The following SORCS2 variants were observed in gnomAD, a reference collection of about 807,000 sequenced individuals.
SORCS2 encodes VPS10 domain-containing receptor SorCS2.
A neutral mutation model predicts 141.6 loss-of-function variants in SORCS2; 100 were observed. The observed-to-expected ratio is 0.71, with a 90% CI of 0.60 to 0.83. The LOEUF is 0.83. Among genes scored for constraint, SORCS2 ranks in the 40% least tolerant of loss-of-function variants. The pLI is 0.00. For synonymous variants in SORCS2, 789 were observed against 676.9 expected (o/e 1.17, Z -2.57); for missense variants, 1,646 against 1,560.2 (o/e 1.05, Z -0.93).
chr4:7,696,246 G>A (rs1434917429), intron 11 of SORCS2, among the ~76,000 whole-genome samples: 1 of 152,198 alleles, frequency 6.6e-6, no homozygotes, highest in Non-Finnish European at 1.5e-5. Context: ...TGGGGCCCCA[G>A]AACAGCTTCA....
At chr4:7,562,372 A>T (rs756484986) in intron 3 of SORCS2, among the ~76,000 whole-genome samples, 1 of 152,040 alleles carries the variant, frequency 6.6e-6, no homozygotes, top group Admixed American at 6.5e-5. Context: ...GCATGGCAAG[A>T]GTGGTGGCTA....
intron 4 of SORCS2, among the ~76,000 whole-genome samples, chr4:7,650,497 C>T (rs1168735637): frequency 4.6e-5 from 7 of 152,316 alleles, no homozygotes; most frequent in East Asian, 3.9e-4. Context: ...TTGGAGCGCA[C>T]GCAAGGTCTC....
At chr4:7,695,918 G>T (rs367784894) in intron 11 of SORCS2, among the ~76,000 whole-genome samples, 13,890 of 108,200 alleles carry the variant, frequency 0.13, 927 homozygotes, top group East Asian at 0.28. Context: ...ATGGATGGAT[G>T]GATGGATTGG....
intron 25 of SORCS2, 66 bp from the exon 26 acceptor site, chr4:7,737,003 A>C (rs6840685): frequency 0.52 from 805,171 of 1,537,436 alleles, 214,557 homozygotes; most frequent in Admixed American, 0.59. Flanking sequence ...GGCCAGCGGA[A>C]GGCTCCAGGG....
chr4:7,376,422 C>G (rs376885767), intron 1 of SORCS2, among the ~76,000 whole-genome samples: 10 of 152,048 alleles, frequency 6.6e-5, no homozygotes, highest in African/African-American at 2.2e-4. Flanking sequence ...ACGAAAAATA[C>G]AAAAATTAGC....
intron 2 of SORCS2, among the ~76,000 whole-genome samples, chr4:7,530,855 G>A (rs947822535): frequency 5.4e-4 from 82 of 152,302 alleles, no homozygotes; most frequent in Admixed American, 1.0e-3. Flanking sequence ...AGGAGGTACC[G>A]AGTGGACAGC....
At position 7,725,363 on chromosome 4, in the gene SORCS2, C is replaced by A; in HGVS notation, c.2745+76C>A. The stretch of plus-strand genomic sequence containing the variant: ...AGCTGCACAGTGGGGCAGAGCATGG[C>A]CCCAGGTTTTCAGCAGAAGGAACCA... On this transcript the variant is annotated intron_variant, in intron 20 of 26. Coordinates refer to ENST00000507866, the MANE Select transcript of SORCS2 (RefSeq NM_020777.3). 2.0e-6 allele frequency: 3 copies of A among 1,520,862 alleles called. No individual in the cohort carries two copies. In the South Asian group the frequency reaches 3.7e-5, roughly 19 times the overall value. 94.2% of individuals were successfully genotyped at this position (1,520,862 alleles called of 1,614,324 possible). A position where few individuals can be genotyped will look rare whatever the true frequency, so the allele number is the denominator to read the frequency against.
At position 7,690,565 on chromosome 4, in the gene SORCS2, GGGT is replaced by G. The variant is rs368120130; in HGVS notation, c.1591+983_1591+985del. The stretch of plus-strand genomic sequence containing the variant: ...GCATGATGGATGGATGGCGGTGGAT[GGGT>G]GGTGGATAGGCAGATGGATAGGTGG... On this transcript the variant is annotated intron_variant, in intron 11 of 26. Coordinates refer to ENST00000507866, the MANE Select transcript of SORCS2 (RefSeq NM_020777.3). 6.8e-4 allele frequency among the ~76,000 whole-genome samples: 103 copies of G among 151,956 alleles called. No individual in the cohort carries two copies. In the Middle Eastern group the frequency reaches 0.01, roughly 15 times the overall value.
At chr4:7,501,105 G>C (rs1731949741) in intron 2 of SORCS2, among the ~76,000 whole-genome samples, 2 of 152,210 alleles carry the variant, frequency 1.3e-5, no homozygotes, top group Non-Finnish European at 1.5e-5. Context: ...GTGCTGACCT[G>C]TGAAGGCGCG....
chr4:7,448,334 G>A (rs372019681), intron 2 of SORCS2, among the ~76,000 whole-genome samples: 3 of 151,952 alleles, frequency 2.0e-5, no homozygotes, highest in African/African-American at 7.3e-5. Flanking sequence ...GGCACAGAGA[G>A]AGATGCTGGA....
At chr4:7,435,013 C>T in intron 2 of SORCS2, 1 of 1,143,650 alleles carries the variant, frequency 8.7e-7, no homozygotes, top group South Asian at 1.7e-5. Context: ...CTGACTCACA[C>T]CCTGTGCCCG....
intron 21 of SORCS2, among the ~76,000 whole-genome samples, chr4:7,727,791 T>C (rs1005696710): frequency 7.9e-5 from 12 of 152,168 alleles, no homozygotes; most frequent in Admixed American, 2.0e-4. Context: ...GAGGTTAAAG[T>C]TTATCTCTGG....
At chr4:7,526,884 A>G (rs1186806691) in intron 2 of SORCS2, among the ~76,000 whole-genome samples, 1 of 152,264 alleles carries the variant, frequency 6.6e-6, no homozygotes, top group African/African-American at 2.4e-5. Context: ...AATTAACTCA[A>G]TATATCCAAA....
At chr4:7,328,018 CTT>C (rs60976971) in intron 1 of SORCS2, among the ~76,000 whole-genome samples, 1,886 of 87,820 alleles carry the variant, frequency 0.021, 10 homozygotes, top group East Asian at 0.13. Flanking sequence ...TCGTGCTAGG[CTT>C]TTTTTTTTTT....
At chr4:7,653,536 C>T (rs1192646876) in intron 4 of SORCS2, among the ~76,000 whole-genome samples, 2 of 152,228 alleles carry the variant, frequency 1.3e-5, no homozygotes, top group African/African-American at 4.8e-5. Context: ...AGCCACCGCA[C>T]CTGGCCCTAA....
chr4:7,344,562 A>G (rs917111368), intron 1 of SORCS2, among the ~76,000 whole-genome samples: 5 of 152,204 alleles, frequency 3.3e-5, no homozygotes, highest in African/African-American at 1.2e-4. Context: ...GGAATTCCAG[A>G]AGGGGAGTAG....
chr4:7,396,231 CT>C, intron 1 of SORCS2, 56 bp from the exon 2 acceptor site: 1 of 1,562,344 alleles, frequency 6.4e-7, no homozygotes, highest in Non-Finnish European at 8.8e-7. Flanking sequence ...CTGTACCTCT[CT>C]TTGAGAACCT....
At chr4:7,621,499 ATG>A (rs1034322642) in intron 3 of SORCS2, among the ~76,000 whole-genome samples, 1 of 140,738 alleles carries the variant, frequency 7.1e-6, no homozygotes, top group Non-Finnish European at 1.5e-5. Flanking sequence ...ATGTGTGTCT[ATG>A]TGTGTCTGTA....
chr4:7,704,579 A>G (rs903319540), intron 14 of SORCS2, among the ~76,000 whole-genome samples: 3 of 152,190 alleles, frequency 2.0e-5, no homozygotes, highest in Admixed American at 1.3e-4. Context: ...ACAGATCATC[A>G]TAGGGCAGAG....
Sources: allele counts gnomAD v4.1 joint callset (sites outside exome capture counted in the v4.1 genomes callset), GRCh38; gene constraint gnomAD v4.1.1; transcripts MANE v1.5; gene names NCBI Gene and HGNC (gene_info 2026-07-23, HGNC 2026-07-21).